Variants in RORA observed in about 807,000 individuals in gnomAD.
RORA encodes the protein RAR related orphan receptor A.
RORA carries 7 observed loss-of-function variants against 69.5 expected under a neutral mutation model. That is an observed-to-expected ratio of 0.10 (90% confidence interval 0.06 to 0.19). The LOEUF (loss-of-function observed/expected upper bound fraction) is 0.19. RORA is among the 10% of genes least tolerant of loss of function. The pLI is 1.00. For missense variants in RORA, 457 were observed against 663.0 expected, an observed-to-expected ratio of 0.69 and a Z score of 3.41; for synonymous variants, 261 against 240.8, an observed-to-expected ratio of 1.08 and a Z score of -0.78.
At chr15:60,532,802 T>C (rs1595924435) in intron 2 of RORA, among the ~76,000 whole-genome samples, 1 of 152,350 alleles carries the variant, frequency 6.6e-6, no homozygotes, top group South Asian at 2.1e-4. Context: ...TTACCTGGAA[T>C]GTGTCATTAC....
intron 1 of RORA, among the ~76,000 whole-genome samples, chr15:61,079,324 G>C (rs766787284): frequency 1.3e-5 from 2 of 152,124 alleles, no homozygotes; most frequent in Non-Finnish European, 2.9e-5. Flanking sequence ...GATCAATTAA[G>C]GAGATTTAAA....
intron 1 of RORA, among the ~76,000 whole-genome samples, chr15:61,002,959 G>A (rs1481887606): frequency 4.4e-5 from 6 of 135,188 alleles, no homozygotes; most frequent in East Asian, 2.1e-4. Flanking sequence ...GTGAAACCCC[G>A]TCTCTACTAA....
chr15:60,858,592 C>T (rs944226566), intron 1 of RORA, among the ~76,000 whole-genome samples: 1 of 151,264 alleles, frequency 6.6e-6, no homozygotes, highest in African/African-American at 2.4e-5. Context: ...TGGGGTGAAG[C>T]AGGGGTGGGC....
rs555374144 is a variant in RORA, at chr15:60,865,986, A to G, written c.167-187300T>C. ...ATTTTTACATGTGATATTTTGATAC[A>G]AACATACAATATATAGTGATCAAAA... On this transcript the variant is annotated intron_variant, in intron 1 of 10. Coordinates refer to ENST00000335670, the MANE Select transcript of RORA (RefSeq NM_134261.3). 1.3e-4 allele frequency among the ~76,000 whole-genome samples: 19 copies of G among 143,824 alleles called. No individual in the cohort carries two copies. In the South Asian group the frequency reaches 4.4e-3, roughly 33 times the overall value. The allele number at this position is 143,824 out of a possible 152,430, so 94.4% of individuals were successfully genotyped here. A position where few individuals can be genotyped will look rare whatever the true frequency, so the allele number is the denominator to read the frequency against.
chr15:60,525,075 G>C (rs1192582267), intron 3 of RORA, among the ~76,000 whole-genome samples: 1 of 151,756 alleles, frequency 6.6e-6, no homozygotes, highest in African/African-American at 2.4e-5. Context: ...AACAACAAAA[G>C]ATGAACAAAC....
intron 1 of RORA, among the ~76,000 whole-genome samples, chr15:60,947,629 A>C (rs111318603): frequency 0.16 from 21,879 of 139,462 alleles, 2,020 homozygotes; most frequent in Middle Eastern, 0.23. Context: ...CCTTCCCTCC[A>C]CTATTGTCCT....
At chr15:61,189,218 C>G (rs2079772835) in intron 1 of RORA, among the ~76,000 whole-genome samples, 1 of 152,166 alleles carries the variant, frequency 6.6e-6, no homozygotes, top group African/African-American at 2.4e-5. Flanking sequence ...CGCATTTTTA[C>G]ATTCATGATA....
intron 1 of RORA, among the ~76,000 whole-genome samples, chr15:60,816,742 AT>A (rs1368121244): frequency 3.3e-5 from 5 of 151,654 alleles, no homozygotes; most frequent in African/African-American, 1.2e-4. Context: ...AATAAAAAAA[AT>A]AAAATAAAAT....
At chr15:60,647,895 T>G (rs1165183230) in intron 2 of RORA, among the ~76,000 whole-genome samples, 1 of 152,146 alleles carries the variant, frequency 6.6e-6, no homozygotes, top group Non-Finnish European at 1.5e-5. Context: ...CAGAGGCAGT[T>G]GGGTCAGCCG....
intron 1 of RORA, among the ~76,000 whole-genome samples, chr15:60,948,070 G>C (rs1043737224): frequency 3.3e-5 from 5 of 152,154 alleles, no homozygotes; most frequent in East Asian, 1.9e-4. Context: ...ATGTTACTGA[G>C]AGCCACAGAG....
chr15:60,518,115 C>T (rs957340048), intron 3 of RORA, among the ~76,000 whole-genome samples: 5 of 152,194 alleles, frequency 3.3e-5, no homozygotes, highest in African/African-American at 4.8e-5. Flanking sequence ...CCTCCCACCT[C>T]GGTCCCCCAA....
chr15:60,630,588 G>C (rs2069713629), intron 2 of RORA: 1 of 152,244 alleles, frequency 6.6e-6, no homozygotes, highest in Admixed American at 6.5e-5. Flanking sequence ...GTGGGCAGTG[G>C]AAGGCAAAAA....
At chr15:61,002,006 G>T (rs35783534) in intron 1 of RORA, among the ~76,000 whole-genome samples, 18,897 of 152,262 alleles carry the variant, frequency 0.12, 1,219 homozygotes, top group African/African-American at 0.15. Context: ...CCATGAACAG[G>T]CAGGGCAGCT....
At chr15:60,657,948 C>G (rs928566293) in intron 2 of RORA, among the ~76,000 whole-genome samples, 3 of 152,188 alleles carry the variant, frequency 2.0e-5, no homozygotes, top group African/African-American at 7.2e-5. Flanking sequence ...CCTATGTTGT[C>G]TCTTTTCTTG....
intron 1 of RORA, among the ~76,000 whole-genome samples, chr15:60,798,737 C>A (rs1429785495): frequency 1.3e-5 from 2 of 152,038 alleles, no homozygotes; most frequent in Non-Finnish European, 2.9e-5. Flanking sequence ...GTCTGAAAGC[C>A]AGACCTTGCT....
intron 1 of RORA, among the ~76,000 whole-genome samples, chr15:61,164,709 A>C (rs1337132323): frequency 6.6e-6 from 1 of 152,130 alleles, no homozygotes; most frequent in East Asian, 1.9e-4. Context: ...GGTCTAAATT[A>C]ACACTATGTT....
intron 1 of RORA, among the ~76,000 whole-genome samples, chr15:60,724,907 C>A (rs1221401104): frequency 6.6e-6 from 1 of 152,204 alleles, no homozygotes; most frequent in Non-Finnish European, 1.5e-5. Context: ...CCTCCCCGCT[C>A]CTCACACTGG....
At chr15:60,752,490 T>G (rs1299755826) in intron 1 of RORA, among the ~76,000 whole-genome samples, 1 of 152,158 alleles carries the variant, frequency 6.6e-6, no homozygotes, top group Non-Finnish European at 1.5e-5. Flanking sequence ...TCCCTTCTGT[T>G]ATTTCTGGCA....
At chr15:60,806,100 A>G (rs1297023738) in intron 1 of RORA, among the ~76,000 whole-genome samples, 2 of 152,198 alleles carry the variant, frequency 1.3e-5, no homozygotes, top group Non-Finnish European at 2.9e-5. Flanking sequence ...AGGCAGTGAC[A>G]TGCTGCCTTG....
Sources: allele counts gnomAD v4.1 joint callset (sites outside exome capture counted in the v4.1 genomes callset), GRCh38; gene constraint gnomAD v4.1.1; transcripts MANE v1.5; gene names NCBI Gene and HGNC (gene_info 2026-07-23, HGNC 2026-07-21).